The following TMEM127 variants were observed in gnomAD, a reference collection of about 807,000 sequenced individuals.
TMEM127 encodes transmembrane protein 127.
In TMEM127, 21 loss-of-function variants were observed where a neutral mutation model predicts 20.1. The ratio of observed to expected loss-of-function variants is 1.04; its 90% CI spans 0.74 to 1.50. The LOEUF is 1.50. Ranked by LOEUF, TMEM127 falls within the 40% of genes most tolerant of loss-of-function variation. TMEM127 has a pLI of 0.00. For missense variants in TMEM127, 303 were observed against 317.4 expected, an observed-to-expected ratio of 0.95 and a Z score of 0.34; for synonymous variants, 150 against 144.7, an observed-to-expected ratio of 1.04 and a Z score of -0.26.
chr2:96,258,609 G>T (rs542645423), intron 2 of TMEM127, among the ~76,000 whole-genome samples: 1 of 152,284 alleles, frequency 6.6e-6, no homozygotes, highest in East Asian at 1.9e-4. Context: ...ACTGTCTACT[G>T]CCAGAAAGCC....
At chr2:96,260,310 T>C (rs1479387385) in intron 2 of TMEM127, among the ~76,000 whole-genome samples, 1 of 152,080 alleles carries the variant, frequency 6.6e-6, no homozygotes, top group Non-Finnish European at 1.5e-5. Context: ...TTCCTAGACG[T>C]CGGTACAGCA....
chr2:96,254,856 T>C lies in TMEM127; in HGVS notation c.386A>G (p.Tyr129Cys), dbSNP rs753967360. 1 of 1,614,014 alleles carries C rather than the reference T, an allele frequency of 6.2e-7. No individual in the cohort carries two copies. The highest frequency in any genetic ancestry group is 8.5e-7 in the Non-Finnish European group (1 of 1,179,956). Residue 129 changes from tyrosine (Y) to cysteine (C), a missense_variant, in exon 3 of 4, where the codon TAT (tyrosine) becomes TGT (cysteine). By Grantham distance (194) the Tyr-to-Cys change is radical (BLOSUM62 -2). Coordinates refer to ENST00000258439, the MANE Select transcript of TMEM127 (RefSeq NM_017849.4). ...KHPALKITRR[Y>C]AFAHILTVLQ... Reference sequence around the variant, plus strand: ...ACCCGTTAGGATATGGGCGAAGGCATAGCGACGAGTGATCTTCAGAGCAGG... The same window carrying C: ...ACCCGTTAGGATATGGGCGAAGGCACAGCGACGAGTGATCTTCAGAGCAGG...
chr2:96,261,341 C>T (rs1255953516), intron 2 of TMEM127, among the ~76,000 whole-genome samples: 4 of 151,312 alleles, frequency 2.6e-5, no homozygotes, highest in South Asian at 2.1e-4. Flanking sequence ...AGAGGCACGA[C>T]GATAGTTCAC....
Position 96,253,539 on chromosome 2 carries a change from C to T in TMEM127, c.*269G>A. ...CCCATGCTGGAGGAAACTTGGATGA[C>T]CTTCCCTGGCTGGTAATGACTCGTG... On this transcript the variant is annotated 3_prime_UTR_variant, in exon 4 of 4. Transcript: ENST00000258439. The surrounding 1 kb of genome is among the most constrained non-coding windows in gnomAD (Gnocchi z 4.3). 2.0e-6 allele frequency: 1 copy of T among 491,010 alleles called. No individual in the cohort carries two copies. Among genetic ancestry groups the T allele is most frequent in the East Asian group, 3.3e-5 (1 of 30,688 alleles). 30.4% of individuals were successfully genotyped at this position (491,010 alleles called of 1,614,324 possible).
Position 96,249,710 on chromosome 2 carries a change from G to T in TMEM127, c.*4098C>A. 2 of 233,164 alleles carry T rather than the reference G, an allele frequency of 8.6e-6. No individual in the cohort carries two copies. The highest frequency in any genetic ancestry group is 1.2e-4 in the East Asian group (2 of 16,572). 14.4% of individuals were successfully genotyped at this position (233,164 alleles called of 1,614,324 possible). On this transcript the variant is annotated 3_prime_UTR_variant, in exon 4 of 4. Coordinates refer to ENST00000258439, the MANE Select transcript of TMEM127 (RefSeq NM_017849.4). ...AAGATTGCAGGCTATTTGAAAACAGGGGCATGAAGTTTGTCAGTTCCCTTC... is the reference window on the plus strand; with the variant it reads ...AAGATTGCAGGCTATTTGAAAACAGTGGCATGAAGTTTGTCAGTTCCCTTC...
At position 96,249,419 on chromosome 2, in the gene TMEM127, C is replaced by T. The variant is rs576692151; in HGVS notation, c.*4389G>A. 3.9e-4 allele frequency: 87 copies of T among 221,520 alleles called. No individual in the cohort carries two copies. Among genetic ancestry groups the T allele is most frequent in the African/African-American group, 1.9e-3 (83 of 44,744 alleles). 13.7% of individuals were successfully genotyped at this position (221,520 alleles called of 1,614,324 possible). ...CCAGAACTGATCTTAATTCTCAAACCAGTAACCCTAATGAAGCGTCTTCGT... is the reference window on the plus strand; with the variant it reads ...CCAGAACTGATCTTAATTCTCAAACTAGTAACCCTAATGAAGCGTCTTCGT... On this transcript the variant is annotated 3_prime_UTR_variant, in exon 4 of 4. Coordinates refer to ENST00000258439, the MANE Select transcript of TMEM127 (RefSeq NM_017849.4).
intron 2 of TMEM127, among the ~76,000 whole-genome samples, chr2:96,257,449 A>G (rs1684231568): frequency 6.6e-6 from 1 of 151,966 alleles, no homozygotes; most frequent in Non-Finnish European, 1.5e-5. Context: ...CGACAGAGCG[A>G]GACTCCATCT....
Position 96,251,666 on chromosome 2 carries a change from G to GT in TMEM127, c.*2141dup, listed in dbSNP as rs1271829536. On this transcript the variant is annotated 3_prime_UTR_variant, in exon 4 of 4. Coordinates refer to ENST00000258439, the MANE Select transcript of TMEM127 (RefSeq NM_017849.4). ...TTTCCATTCTTATTCGTGGTTTCTG[G>GT]TTTTTTTGGTTTTGTTTTCCCTTTT... 4 of 231,618 alleles carry GT rather than the reference G, an allele frequency of 1.7e-5. No individual in the cohort carries two copies. Among genetic ancestry groups the GT allele is most frequent in the South Asian group, 1.8e-4 (1 of 5,496 alleles). 14.3% of individuals were successfully genotyped at this position (231,618 alleles called of 1,614,324 possible). A position where few individuals can be genotyped will look rare whatever the true frequency, so the allele number is the denominator to read the frequency against.
In TMEM127 at chr2:96,253,937, C is replaced by A; in HGVS notation, c.588G>T (p.Leu196=). 1 of 1,614,008 alleles carries A rather than the reference C, an allele frequency of 6.2e-7. No individual in the cohort carries two copies. Among genetic ancestry groups the A allele is most frequent in the Non-Finnish European group, 8.5e-7 (1 of 1,179,918 alleles). The change falls in exon 4 of 4, where the codon CTG becomes CTT. Residue 196 remains leucine (L), a synonymous_variant. Transcript: ENST00000258439. The surrounding 1 kb of genome is among the most constrained non-coding windows in gnomAD (Gnocchi z 4.3). ...CCTCTTCCTCTGTGGGGTAGTGGCG[C>A]AGGAGGTTGGCTGCCGTGGCCAGGA... is the stretch of plus-strand genomic sequence containing the variant. ...ASILATAANL[L]RHYPTEEEEQ...
In TMEM127 at chr2:96,254,246, A is replaced by G; in HGVS notation, c.410-131T>C. The G allele has an allele frequency of 4.9e-6, 6 of 1,219,518 alleles. No individual in the cohort carries two copies. The South Asian group carries it at 7.7e-5, about 16-fold the overall frequency. The allele number at this position is 1,219,518 out of a possible 1,614,324, so 75.5% of individuals were successfully genotyped here. A position where few individuals can be genotyped will look rare whatever the true frequency, so the allele number is the denominator to read the frequency against. Reference sequence around the variant, plus strand: ...AACCTGCCTGGCCCCAGACTCTGCAAGGAGGAGCTCTCTTGACCATGGGAT... The same window carrying G: ...AACCTGCCTGGCCCCAGACTCTGCAGGGAGGAGCTCTCTTGACCATGGGAT... On this transcript the variant is annotated intron_variant, in intron 3 of 3. Transcript: ENST00000258439.
chr2:96,264,632 G>A (rs914314306), intron 2 of TMEM127, among the ~76,000 whole-genome samples: 9 of 152,196 alleles, frequency 5.9e-5, no homozygotes, highest in African/African-American at 9.7e-5. Flanking sequence ...GCCACATTCC[G>A]ACTGTTGTAC....
In TMEM127 at chr2:96,253,133, A is replaced by C; in HGVS notation, c.*675T>G. 1 of 233,600 alleles carries C rather than the reference A, an allele frequency of 4.3e-6. No homozygotes were observed. The highest frequency in any genetic ancestry group is 6.0e-5 in the East Asian group (1 of 16,564). 14.5% of individuals were successfully genotyped at this position (233,600 alleles called of 1,614,324 possible). On this transcript the variant is annotated 3_prime_UTR_variant, in exon 4 of 4. Coordinates refer to ENST00000258439, the MANE Select transcript of TMEM127 (RefSeq NM_017849.4). This position sits in a 1 kb window ranked among gnomAD's most constrained non-coding sequence, Gnocchi z 4.3. The stretch of plus-strand genomic sequence containing the variant: ...TTCACTCTGGTCCTTGATAGGCACC[A>C]GGGGGCCTCAGTCTCACGCTGGCTC...
intron 2 of TMEM127, among the ~76,000 whole-genome samples, chr2:96,261,443 C>A (rs1263835371): frequency 6.6e-6 from 1 of 152,152 alleles, no homozygotes; most frequent in Non-Finnish European, 1.5e-5. Context: ...ACCACCACAC[C>A]CAGCCCAGGA....
intron 2 of TMEM127, among the ~76,000 whole-genome samples, chr2:96,256,300 C>T (rs1356638887): frequency 2.7e-5 from 4 of 146,692 alleles, no homozygotes; most frequent in South Asian, 2.2e-4. Flanking sequence ...TGGCAGGGCA[C>T]GGTGGCTCAC....
At chr2:96,254,755 G>GC in intron 3 of TMEM127, 78 bp downstream of exon 3, 1 of 1,582,846 alleles carries the variant, frequency 6.3e-7, no homozygotes, top group Non-Finnish European at 8.7e-7. Flanking sequence ...AGAAACCAGA[G>GC]CCCCCACCGG....
Position 96,255,041 on chromosome 2 carries a change from G to A in TMEM127, c.245-44C>T, listed in dbSNP as rs145641023. On this transcript the variant is annotated intron_variant, in intron 2 of 3. Coordinates refer to ENST00000258439, the MANE Select transcript of TMEM127 (RefSeq NM_017849.4). ...ATTTTCACGGCCCCAAGTAACACTT[G>A]GTGCAGGAAGTCCCCACCTAGAAGG... 1.0e-3 allele frequency: 1,628 copies of A among 1,612,218 alleles called. 2 individuals are homozygous for A. Among genetic ancestry groups the A allele is most frequent in the Non-Finnish European group, 1.3e-3 (1,488 of 1,179,036 alleles).
Position 96,265,161 on chromosome 2 carries a change from T to A in TMEM127, c.221A>T (p.Tyr74Phe). The A allele has an allele frequency of 6.2e-7, 1 of 1,611,690 alleles. No homozygotes were observed. The highest frequency in any genetic ancestry group is 8.5e-7 in the Non-Finnish European group (1 of 1,179,630). The change falls in exon 2 of 4, where the codon TAT (tyrosine) becomes TTT (phenylalanine). Residue 74 changes from tyrosine to phenylalanine, a missense_variant. Physicochemically the swap from Tyr to Phe is conservative, Grantham distance 22. Coordinates refer to ENST00000258439, the MANE Select transcript of TMEM127 (RefSeq NM_017849.4). Reference protein sequence around the residue: ...QELGVSDVLGYVHPDLLKDFC... With the variant: ...QELGVSDVLGFVHPDLLKDFC... Reference sequence around the variant, plus strand: ...ACCTTTCAGCAGGTCCGGGTGCACATAGCCCAACACGTCGGAGACCCCCAG... The same window carrying A: ...ACCTTTCAGCAGGTCCGGGTGCACAAAGCCCAACACGTCGGAGACCCCCAG...
rs572327652 is a variant in TMEM127 at position 96,250,161 on chromosome 2, C to T, written c.*3647G>A. 7.5e-4 allele frequency: 176 copies of T among 233,540 alleles called. 2 individuals carry two copies. The highest frequency in any genetic ancestry group is 3.7e-3 in the African/African-American group (166 of 45,472). The allele number at this position is 233,540 out of a possible 1,614,324, so 14.5% of individuals were successfully genotyped here. ...TCATTAAAATAAGGTTGCATCCCTC[C>T]CTTCCCTTCTGAAAATCCTTCCTGG... On this transcript the variant is annotated 3_prime_UTR_variant, in exon 4 of 4. Transcript: ENST00000258439.
In TMEM127 at chr2:96,265,521, G is replaced by T; in HGVS notation, c.-131-9C>A. ...GTGAAGCCGGGACTGGGCTGTCAGG[G>T]TTGACACCAGAGGATAGGGGGGTGG... On this transcript the variant is annotated splice_polypyrimidine_tract_variant and intron_variant, in intron 1 of 3. Transcript: ENST00000258439. 1 of 1,143,358 alleles carries T rather than the reference G, an allele frequency of 8.7e-7. No homozygotes were observed. The highest frequency in any genetic ancestry group is 1.1e-6 in the Non-Finnish European group (1 of 902,014). 70.8% of individuals were successfully genotyped at this position (1,143,358 alleles called of 1,614,324 possible). A position where few individuals can be genotyped will look rare whatever the true frequency, so the allele number is the denominator to read the frequency against.
Sources: allele counts gnomAD v4.1 joint callset (sites outside exome capture counted in the v4.1 genomes callset), GRCh38; gene constraint gnomAD v4.1.1; non-coding constraint Gnocchi (gnomAD v3.1); transcripts MANE v1.5; gene names NCBI Gene and HGNC (gene_info 2026-07-23, HGNC 2026-07-21).